The following CXorf58 variants were observed in gnomAD, a reference collection of about 807,000 sequenced individuals.
CXorf58 encodes uncharacterized protein CXorf58.
In CXorf58, 24 loss-of-function variants were observed where a neutral mutation model predicts 26.0. The observed-to-expected ratio is 0.92, with a 90% CI of 0.67 to 1.30. The LOEUF is 1.30. Ranked by LOEUF, CXorf58 falls within the 50% of genes most tolerant of loss-of-function variation. CXorf58 has a pLI of 0.00. For synonymous variants in CXorf58, 87 were observed against 86.1 expected (o/e 1.01, Z -0.06); for missense variants, 236 against 263.9 (o/e 0.89, Z 0.73).
chrX:23,914,650 C>T (rs778015756), intron 3 of CXorf58, among the ~76,000 whole-genome samples: 8 of 111,456 alleles, frequency 7.2e-5, no homozygotes, highest in Admixed American at 5.7e-4. Flanking sequence ...CTTTGGGAGG[C>T]TGAGGCGGGT....
Position 23,915,622 on chromosome X carries a change from C to T in CXorf58, c.217-78C>T, listed in dbSNP as rs139375261. 4.3e-3 allele frequency: 2,436 copies of T among 562,521 alleles called. 52 individuals carry two copies. The African/African-American group carries it at 0.049, about 11-fold the overall frequency. 46.4% of individuals were successfully genotyped at this position (562,521 alleles called of 1,213,427 possible). ...GTCCAGCATAATGTTCACTTTACCA[C>T]GTTGCCTCTGTTATAGTCCATAAAT... is the stretch of plus-strand genomic sequence containing the variant. On this transcript the variant is annotated intron_variant, in intron 3 of 8. Coordinates refer to ENST00000379211, the MANE Select transcript of CXorf58 (RefSeq NM_152761.3).
rs759663219 is a variant in CXorf58, at chrX:23,925,346, C to CT, written c.424-1874dup. Among the ~76,000 whole-genome samples, 918 of 91,897 alleles carry CT rather than the reference C, an allele frequency of 1.0e-2. 8 individuals carry two copies. Among genetic ancestry groups the CT allele is most frequent in the African/African-American group, 0.022 (531 of 24,297 alleles). The allele number at this position is 91,897 out of a possible 115,157, so 79.8% of individuals were successfully genotyped here. ...CTGTCTCAACCACTCTTTCTTTTCTCTTTTTTTTTTTTTTTTTTTGAGACA... is the reference window on the plus strand; with the variant it reads ...CTGTCTCAACCACTCTTTCTTTTCTCTTTTTTTTTTTTTTTTTTTTGAGACA... On this transcript the variant is annotated intron_variant, in intron 5 of 8. Transcript: ENST00000379211.
intron 7 of CXorf58, among the ~76,000 whole-genome samples, chrX:23,936,770 T>C (rs2147080241): frequency 9.0e-6 from 1 of 111,705 alleles, no homozygotes; most frequent in African/African-American, 3.2e-5. Context: ...ATTTAACCCA[T>C]ATATTTTATG....
intron 3 of CXorf58, among the ~76,000 whole-genome samples, chrX:23,914,467 G>A (rs1675369516): frequency 8.9e-6 from 1 of 111,946 alleles, no homozygotes; most frequent in Admixed American, 9.5e-5. Context: ...GAAAGAGTTG[G>A]GACTTTAGAG....
intron 4 of CXorf58, among the ~76,000 whole-genome samples, chrX:23,916,016 A>G (rs934655282): frequency 8.9e-5 from 10 of 111,833 alleles, no homozygotes; most frequent in African/African-American, 2.6e-4. Flanking sequence ...AGTCTTACAC[A>G]GGTATGAGAA....
At chrX:23,932,392 A>T (rs758010772) in intron 6 of CXorf58, among the ~76,000 whole-genome samples, 1 of 112,117 alleles carries the variant, frequency 8.9e-6, no homozygotes, top group African/African-American at 3.2e-5. Context: ...CAGTGTTAGC[A>T]TTCCCACAGT....
intron 5 of CXorf58, 125 bp downstream of exon 5, chrX:23,916,453 G>T (rs1601959152): frequency 2.1e-5 from 5 of 242,610 alleles, no homozygotes; most frequent in Non-Finnish European, 3.6e-5. Context: ...GGTAGGTAGT[G>T]TGTTTTTTTT....
rs781163182 is a variant in CXorf58 at position 23,938,159 on chromosome X, A to G, written c.786-388A>G. 1.4e-4 allele frequency among the ~76,000 whole-genome samples: 16 copies of G among 111,332 alleles called. No homozygotes were observed. The South Asian group carries it at 6.0e-3, about 42-fold the overall frequency. On this transcript the variant is annotated intron_variant, in intron 7 of 8. Transcript: ENST00000379211. Reference sequence around the variant, plus strand: ...TGCCTCGGCCTCCCAAAGTGCTGAGATTACGGGCATGAGCCACTGCGCCTG... The same window carrying G: ...TGCCTCGGCCTCCCAAAGTGCTGAGGTTACGGGCATGAGCCACTGCGCCTG...
At chrX:23,919,165 GATCT>G (rs1403914828) in intron 5 of CXorf58, among the ~76,000 whole-genome samples, 1 of 111,624 alleles carries the variant, frequency 9.0e-6, no homozygotes, top group Non-Finnish European at 1.9e-5. Context: ...TTTCTACCCT[GATCT>G]ATCTCTCTAC....
chrX:23,924,318 A>ATTTG, intron 5 of CXorf58, among the ~76,000 whole-genome samples: 1 of 94,036 alleles, frequency 1.1e-5, no homozygotes, highest in Non-Finnish European at 1.9e-5. Context: ...TTATTTATTT[A>ATTTG]TTTATTTATT....
intron 6 of CXorf58, among the ~76,000 whole-genome samples, chrX:23,928,526 T>C (rs1269399540): frequency 9.0e-6 from 1 of 111,707 alleles, no homozygotes; most frequent in Non-Finnish European, 1.9e-5. Flanking sequence ...CAAACCTGCA[T>C]CAAGCAAATC....
chrX:23,914,047 T>C (rs1927653761), intron 3 of CXorf58, among the ~76,000 whole-genome samples: 1 of 112,015 alleles, frequency 8.9e-6, no homozygotes, highest in Admixed American at 9.5e-5. Flanking sequence ...AGTAATACTT[T>C]AATACCTTAA....
intron 3 of CXorf58, among the ~76,000 whole-genome samples, chrX:23,913,996 T>C (rs1211704092): frequency 1.8e-5 from 2 of 112,404 alleles, no homozygotes; most frequent in Admixed American, 1.9e-4. Flanking sequence ...ATAGTATTTT[T>C]AGACTTTTGT....
chrX:23,913,584 A>G (rs1311207339), intron 3 of CXorf58, among the ~76,000 whole-genome samples: 2 of 111,826 alleles, frequency 1.8e-5, no homozygotes, highest in Non-Finnish European at 3.8e-5. Context: ...CCACAGACCT[A>G]TTTCTGATGT....
intron 5 of CXorf58, among the ~76,000 whole-genome samples, chrX:23,925,786 C>CTTTTTTTTTTTTTTTT (rs11296283): frequency 1.7e-4 from 12 of 71,761 alleles, no homozygotes; most frequent in East Asian, 9.9e-4. Flanking sequence ...CTTTTCTTTT[C>CTTTTTTTTTTTTTTTT]TTTTTTTTTT....
intron 6 of CXorf58, among the ~76,000 whole-genome samples, chrX:23,933,627 G>A (rs761671473): frequency 2.7e-5 from 3 of 110,906 alleles, no homozygotes; most frequent in South Asian, 3.8e-4. Context: ...GATGGCTCAC[G>A]CCTGTAATCT....
At chrX:23,934,136 C>G (rs1209952031) in intron 6 of CXorf58, among the ~76,000 whole-genome samples, 2 of 111,617 alleles carry the variant, frequency 1.8e-5, no homozygotes, top group Admixed American at 1.9e-4. Context: ...CTGAGTTTAA[C>G]TTATCTGAGT....
Position 23,910,391 on chromosome X carries a change from A to G in CXorf58, c.89A>G (p.Asn30Ser). ...AAAGTTCGCAGAGTACATTTCGCAAATGCACGAAATGCAAGATCATTACTA... is the reference window on the plus strand; with the variant it reads ...AAAGTTCGCAGAGTACATTTCGCAAGTGCACGAAATGCAAGATCATTACTA... ...LQKVRRVHFA[N>S]ARNARSLLSM... is the part of the protein sequence containing the mutation. The change falls in exon 2 of 9, where the codon AAT becomes AGT. Residue 30 changes from asparagine to serine, a missense_variant. Coordinates refer to ENST00000379211, the MANE Select transcript of CXorf58 (RefSeq NM_152761.3). 8.7e-7 allele frequency: 1 copy of G among 1,149,340 alleles called. No individual in the cohort carries two copies. Among genetic ancestry groups the G allele is most frequent in the Non-Finnish European group, 1.2e-6 (1 of 840,391 alleles). 94.7% of individuals were successfully genotyped at this position (1,149,340 alleles called of 1,213,427 possible).
At chrX:23,909,669 G>C (rs1323636114) in intron 1 of CXorf58, among the ~76,000 whole-genome samples, 1 of 111,609 alleles carries the variant, frequency 9.0e-6, no homozygotes. Context: ...CAAGCAGTGA[G>C]TAAGAATTTG....
Sources: gnomAD v4.1 joint callset for allele counts (sites outside exome capture counted in the v4.1 genomes callset) on GRCh38, gnomAD v4.1.1 for gene constraint, MANE v1.5 for transcripts, NCBI Gene and HGNC (gene_info 2026-07-23, HGNC 2026-07-21) for gene names.